The following PLIN5 variants were observed in gnomAD, a reference collection of about 807,000 sequenced individuals.
The protein encoded by PLIN5 is perilipin-5.
In PLIN5, 34 loss-of-function variants were observed where a neutral mutation model predicts 32.8. The observed-to-expected ratio is 1.04, with a 90% CI of 0.79 to 1.38. PLIN5 has a LOEUF of 1.38. Ranked by LOEUF, PLIN5 falls within the 40% of genes most tolerant of loss-of-function variation. The probability of loss-of-function intolerance (pLI) is 0.00; values close to 1 mark genes in which losing one functional copy is unlikely to be tolerated. For missense variants in PLIN5, 712 were observed against 660.5 expected (o/e 1.08, Z -0.85); for synonymous variants, 309 against 292.9 (o/e 1.05, Z -0.56).
intron 7 of PLIN5, 42 bp from the exon 8 acceptor site, chr19:4,524,127 G>A (rs1259607561): frequency 1.4e-6 from 2 of 1,388,114 alleles, no homozygotes; most frequent in East Asian, 2.9e-5. Context: ...TGGACGCCCA[G>A]GAGGACTGCT....
intron 2 of PLIN5, 34 bp from the exon 3 acceptor site, chr19:4,531,856 G>A (rs1362313931): frequency 2.7e-6 from 4 of 1,485,574 alleles, no homozygotes; most frequent in Non-Finnish European, 3.6e-6. Context: ...GGGACCCTGG[G>A]GGAAGTGGGG....
chr19:4,527,203 G>A (rs1347100361), intron 5 of PLIN5, among the ~76,000 whole-genome samples: 2 of 151,930 alleles, frequency 1.3e-5, no homozygotes, highest in Admixed American at 1.3e-4. Flanking sequence ...AGCCTCCTGA[G>A]TAGCTGGGAC....
At chr19:4,526,859 AAAAAAAATTAAAATT>A (rs923262075) in intron 5 of PLIN5, among the ~76,000 whole-genome samples, 11 of 151,824 alleles carry the variant, frequency 7.2e-5, no homozygotes, top group Non-Finnish European at 1.3e-4. Flanking sequence ...CTCCATCTCA[AAAAAAAATTAAAATT>A]AAAAAAATGA....
rs62115198 is a variant in PLIN5, at chr19:4,533,692, A to G, written c.60+323T>C. The G allele has an allele frequency of 3.7e-3, 1,877 of 511,590 alleles. 5 individuals carry two copies. The highest frequency in any genetic ancestry group is 5.7e-3 in the South Asian group (163 of 28,842). 31.7% of individuals were successfully genotyped at this position (511,590 alleles called of 1,614,324 possible). A position where few individuals can be genotyped will look rare whatever the true frequency, so the allele number is the denominator to read the frequency against. On this transcript the variant is annotated intron_variant, in intron 2 of 7. Transcript: ENST00000381848. The stretch of plus-strand genomic sequence containing the variant: ...TGATACAGTGATTGCTGCTCTTACT[A>G]TTGTTGTTACTGAGGGCGCCATGAT...
chr19:4,530,943 A>G (rs6510815), intron 3 of PLIN5, among the ~76,000 whole-genome samples: 76,698 of 151,246 alleles, frequency 0.51, 20,299 homozygotes, highest in African/African-American at 0.64. Context: ...CTCCTAAAAT[A>G]CTGGGATTAC....
intron 1 of PLIN5, 186 bp from the exon 2 acceptor site, chr19:4,534,281 G>A (rs1160511072): frequency 1.7e-6 from 1 of 594,350 alleles, no homozygotes; most frequent in Non-Finnish European, 3.0e-6. Context: ...GTCCAATAAT[G>A]AGCCTCTGGC....
chr19:4,527,347 C>T (rs1976816858), intron 5 of PLIN5, among the ~76,000 whole-genome samples: 1 of 151,366 alleles, frequency 6.6e-6, no homozygotes. Flanking sequence ...GCTGGGATTA[C>T]AGGCGTAAGC....
chr19:4,530,209 G>T (rs1976866833), intron 3 of PLIN5, among the ~76,000 whole-genome samples: 2 of 152,156 alleles, frequency 1.3e-5, no homozygotes, highest in Admixed American at 1.3e-4. Flanking sequence ...GGCCCTGAGG[G>T]TGTGGGTAGG....
intron 1 of PLIN5, 85 bp downstream of exon 1, chr19:4,535,080 C>A (rs1311703685): frequency 1.3e-5 from 2 of 152,406 alleles, no homozygotes; most frequent in Non-Finnish European, 2.9e-5. Context: ...TCCCACGCCG[C>A]CGGACCTTCG....
intron 2 of PLIN5, chr19:4,533,178 C>T (rs1976907687): frequency 6.6e-6 from 1 of 151,730 alleles, no homozygotes; most frequent in African/African-American, 2.4e-5. Context: ...TCACTGCAAC[C>T]CCCGCCTTCA....
In PLIN5 at chr19:4,523,338, C is replaced by G; in HGVS notation, c.*190G>C. 3 of 612,298 alleles carry G rather than the reference C, an allele frequency of 4.9e-6. No individual in the cohort carries two copies. The highest frequency in any genetic ancestry group is 7.8e-6 in the Non-Finnish European group (3 of 386,802). 37.9% of individuals were successfully genotyped at this position (612,298 alleles called of 1,614,324 possible). A position where few individuals can be genotyped will look rare whatever the true frequency, so the allele number is the denominator to read the frequency against. The stretch of plus-strand genomic sequence containing the variant: ...GGTTCGAGGCCCTGCTCCCCCGGGC[C>G]TCTTTGTCCATGTGTTCAAGGAAAA... On this transcript the variant is annotated 3_prime_UTR_variant, in exon 8 of 8. Coordinates refer to ENST00000381848, the MANE Select transcript of PLIN5 (RefSeq NM_001013706.3). The surrounding 1 kb of genome is among the most constrained non-coding windows in gnomAD (Gnocchi z 5.0).
In PLIN5 at chr19:4,524,029, C is replaced by T. The variant is rs760354146; in HGVS notation, c.891G>A (p.Thr297=). The change falls in exon 8 of 8, where the codon ACG becomes ACA. Residue 297 remains threonine (T), a synonymous_variant. Transcript: ENST00000381848. ...SRSLTQELQG[T]VEALESSVRG... is the part of the protein sequence containing the mutation. ...GCACGCTGGACTCCAGAGCCTCTACCGTGCCCTGCAGCTCCTGGGTCAGGC... is the reference window on the plus strand; with the variant it reads ...GCACGCTGGACTCCAGAGCCTCTACTGTGCCCTGCAGCTCCTGGGTCAGGC... 51 of 1,493,314 alleles carry T rather than the reference C, an allele frequency of 3.4e-5. No homozygotes were observed. The highest frequency in any genetic ancestry group is 6.4e-5 in the South Asian group (5 of 77,856). 92.5% of individuals were successfully genotyped at this position (1,493,314 alleles called of 1,614,324 possible).
chr19:4,529,468 A>G, intron 4 of PLIN5: 1 of 576,978 alleles, frequency 1.7e-6, no homozygotes, highest in Non-Finnish European at 3.1e-6. Context: ...ATACACACAT[A>G]CATATACATA....
At position 4,529,952 on chromosome 19, in the gene PLIN5, TAGAG is replaced by T. The variant is rs532302541; in HGVS notation, c.257-90_257-87del. ...TGAGAGTTGTAGAAGGAGGGAATGC[TAGAG>T]AGAGAAGCAGAGACAGAGAAGGAAG... On this transcript the variant is annotated intron_variant, in intron 3 of 7. Coordinates refer to ENST00000381848, the MANE Select transcript of PLIN5 (RefSeq NM_001013706.3). 7.5e-4 allele frequency: 578 copies of T among 774,896 alleles called. 10 individuals carry two copies. The South Asian group carries it at 0.012, about 17-fold the overall frequency. The allele number at this position is 774,896 out of a possible 1,614,324, so 48.0% of individuals were successfully genotyped here.
At position 4,531,769 on chromosome 19, in the gene PLIN5, C is replaced by G; in HGVS notation, c.114G>C (p.Ala38=). ...TGGCTGCACTGTAAACATCGCAGAC[C>G]GCGGTGCACGTGGCCCTGACCAGGG... ...ALPLVRATCT[A]VCDVYSAAKD... Residue 38 remains alanine (A), a synonymous_variant, in exon 3 of 8, where the codon GCG becomes GCC. Transcript: ENST00000381848. 4.4e-6 allele frequency: 7 copies of G among 1,595,476 alleles called. No individual in the cohort carries two copies. The highest frequency in any genetic ancestry group is 6.0e-6 in the Non-Finnish European group (7 of 1,173,064).
chr19:4,525,318 G>A lies in PLIN5; in HGVS notation c.721-242C>T, dbSNP rs1004385692. 9.2e-5 allele frequency among the ~76,000 whole-genome samples: 14 copies of A among 152,124 alleles called. No homozygotes were observed. The highest frequency in any genetic ancestry group is 4.6e-4 in the Admixed American group (7 of 15,266). On this transcript the variant is annotated intron_variant, in intron 6 of 7. Coordinates refer to ENST00000381848, the MANE Select transcript of PLIN5 (RefSeq NM_001013706.3). The surrounding 1 kb of genome is among the most constrained non-coding windows in gnomAD (Gnocchi z 5.6). Reference sequence around the variant, plus strand: ...ACAGGTGCCCTCTGGTGGCTGCTGCGGGGAGGGAAGAGCTGAGGATGGGAG... The same window carrying A: ...ACAGGTGCCCTCTGGTGGCTGCTGCAGGGAGGGAAGAGCTGAGGATGGGAG...
rs115882336 is a variant in PLIN5 at position 4,523,334 on chromosome 19, G to A, written c.*194C>T. 1.8e-3 allele frequency: 1,065 copies of A among 576,538 alleles called. 6 individuals carry two copies. Among genetic ancestry groups the A allele is most frequent in the African/African-American group, 0.018 (900 of 51,210 alleles). 35.7% of individuals were successfully genotyped at this position (576,538 alleles called of 1,614,324 possible). ...ATAGGGTTCGAGGCCCTGCTCCCCCGGGCCTCTTTGTCCATGTGTTCAAGG... is the reference window on the plus strand; with the variant it reads ...ATAGGGTTCGAGGCCCTGCTCCCCCAGGCCTCTTTGTCCATGTGTTCAAGG... On this transcript the variant is annotated 3_prime_UTR_variant, in exon 8 of 8. Coordinates refer to ENST00000381848, the MANE Select transcript of PLIN5 (RefSeq NM_001013706.3). The surrounding 1 kb of genome is among the most constrained non-coding windows in gnomAD (Gnocchi z 5.0).
intron 4 of PLIN5, chr19:4,529,551 TAC>T (rs775326336): frequency 7.8e-6 from 4 of 510,090 alleles, no homozygotes; most frequent in African/African-American, 3.9e-5. Context: ...TACGTATATA[TAC>T]ATATATACTT....
Position 4,523,750 on chromosome 19 carries a change from G to A in PLIN5, c.1170C>T (p.Pro390=), listed in dbSNP as rs377737347. The A allele has an allele frequency of 1.2e-5, 20 of 1,600,310 alleles. No homozygotes were observed. Among genetic ancestry groups the A allele is most frequent in the Admixed American group, 1.2e-4 (7 of 59,948 alleles). The change falls in exon 8 of 8, where the codon CCC becomes CCT. Residue 390 remains proline (P), a synonymous_variant. Transcript: ENST00000381848. The surrounding 1 kb of genome is among the most constrained non-coding windows in gnomAD (Gnocchi z 5.0). Reference sequence around the variant, plus strand: ...CCTCGTCCACCAGGTCCGCCAGGTCGGGCAGGGGCTCGGGTCGCTCCACAA... The same window carrying A: ...CCTCGTCCACCAGGTCCGCCAGGTCAGGCAGGGGCTCGGGTCGCTCCACAA... ...PILVERPEPL[P]DLADLVDEVI...
Sources: allele counts gnomAD v4.1 joint callset (sites outside exome capture counted in the v4.1 genomes callset), GRCh38; gene constraint gnomAD v4.1.1; non-coding constraint Gnocchi (gnomAD v3.1); transcripts MANE v1.5; gene names NCBI Gene and HGNC (gene_info 2026-07-23, HGNC 2026-07-21).